ASIC2: variants seen among roughly 807,000 people sequenced by gnomAD.
The protein encoded by ASIC2 is acid-sensing ion channel 2.
Under a neutral mutation model 57.3 loss-of-function variants are expected in ASIC2, and 25 were observed. The ratio of observed to expected loss-of-function variants is 0.44; its 90% CI spans 0.32 to 0.61. The LOEUF is 0.61. ASIC2 is among the 20% of genes least tolerant of loss of function. The probability of loss-of-function intolerance (pLI) is 0.06; values close to 1 mark genes in which losing one functional copy is unlikely to be tolerated. For synonymous variants in ASIC2, 319 were observed against 307.5 expected (o/e 1.04, Z -0.39); for missense variants, 641 against 738.1 (o/e 0.87, Z 1.52).
chr17:33,505,284 C>G (rs1389251055), intron 1 of ASIC2, among the ~76,000 whole-genome samples: 2 of 152,070 alleles, frequency 1.3e-5, no homozygotes, highest in Admixed American at 1.3e-4. Context: ...GTCCAGTGCT[C>G]TGGAAGAGAA....
At chr17:33,961,524 G>A (rs890251454) in intron 1 of ASIC2, among the ~76,000 whole-genome samples, 1 of 152,192 alleles carries the variant, frequency 6.6e-6, no homozygotes, top group Non-Finnish European at 1.5e-5. Flanking sequence ...ATAGTAATGG[G>A]TGCTCCTCAA....
In ASIC2 at chr17:33,158,916, T is replaced by C. The variant is rs183786298; in HGVS notation, c.709-46849A>G. On this transcript the variant is annotated intron_variant, in intron 1 of 9. Transcript: ENST00000225823. ...CTCACAAATGGAATTCATGTGTTGCTGGAGTTTACTGAAGACTTTAATTTG... is the reference window on the plus strand; with the variant it reads ...CTCACAAATGGAATTCATGTGTTGCCGGAGTTTACTGAAGACTTTAATTTG... Among the ~76,000 whole-genome samples, 143 of 152,344 alleles carry C rather than the reference T, an allele frequency of 9.4e-4. 1 individual carries two copies. Among genetic ancestry groups the C allele is most frequent in the Admixed American group, 9.8e-4 (15 of 15,310 alleles).
chr17:34,048,110 C>G (rs1908408390), intron 1 of ASIC2, among the ~76,000 whole-genome samples: 1 of 152,152 alleles, frequency 6.6e-6, no homozygotes, highest in African/African-American at 2.4e-5. Flanking sequence ...TTGGGAGTGT[C>G]CACACTTTGA....
intron 1 of ASIC2, among the ~76,000 whole-genome samples, chr17:34,052,027 G>C (rs1192156763): frequency 6.6e-6 from 1 of 152,232 alleles, no homozygotes; most frequent in African/African-American, 2.4e-5. Flanking sequence ...TGGATTAGTA[G>C]GTCAGATACT....
At chr17:33,279,199 C>T (rs1441185737) in intron 1 of ASIC2, among the ~76,000 whole-genome samples, 1 of 152,142 alleles carries the variant, frequency 6.6e-6, no homozygotes, top group Admixed American at 6.5e-5. Context: ...AAGCAGGGCT[C>T]CCTCTCTCTT....
intron 1 of ASIC2, among the ~76,000 whole-genome samples, chr17:33,344,880 T>A (rs1227357182): frequency 2.6e-5 from 4 of 152,038 alleles, no homozygotes; most frequent in Non-Finnish European, 5.9e-5. Flanking sequence ...AATGAATGAA[T>A]ATAAATGGCT....
rs888009159 is a variant in ASIC2, at chr17:33,418,918, C to T, written c.556-306851G>A. ...GTTGAATAATGAGAACACACGGACACGGGGGAGGGGAACATCACACACCGG... is the reference window on the plus strand; with the variant it reads ...GTTGAATAATGAGAACACACGGACATGGGGGAGGGGAACATCACACACCGG... On this transcript the variant is annotated intron_variant, in intron 1 of 9. Transcript: ENST00000359872. 1.4e-4 allele frequency among the ~76,000 whole-genome samples: 13 copies of T among 93,578 alleles called. No homozygotes were observed. The East Asian group carries it at 1.4e-3, about 10-fold the overall frequency. The allele number at this position is 93,578 out of a possible 152,430, so 61.4% of individuals were successfully genotyped here.
intron 1 of ASIC2, among the ~76,000 whole-genome samples, chr17:34,132,007 T>G (rs975142954): frequency 3.9e-5 from 6 of 152,270 alleles, no homozygotes; most frequent in Admixed American, 6.5e-5. Context: ...GTCCTGGAAT[T>G]TGAGACACCA....
chr17:33,343,755 T>C (rs551172372), intron 1 of ASIC2, among the ~76,000 whole-genome samples: 4 of 152,304 alleles, frequency 2.6e-5, no homozygotes, highest in South Asian at 4.1e-4. Context: ...GGCTCAGCCC[T>C]GCCTAATTCT....
At chr17:33,389,313 T>G (rs570322032) in intron 1 of ASIC2, among the ~76,000 whole-genome samples, 2 of 152,262 alleles carry the variant, frequency 1.3e-5, no homozygotes, top group South Asian at 4.2e-4. Flanking sequence ...TCCCTTCTGT[T>G]TACAGCTCAT....
At chr17:33,771,828 A>G (rs1243284289) in intron 1 of ASIC2, among the ~76,000 whole-genome samples, 1 of 152,222 alleles carries the variant, frequency 6.6e-6, no homozygotes, top group Non-Finnish European at 1.5e-5. Flanking sequence ...TGGTAATTAG[A>G]TTTCCATCAC....
chr17:34,065,611 C>A (rs143030727), intron 1 of ASIC2, among the ~76,000 whole-genome samples: 321 of 152,148 alleles, frequency 2.1e-3, no homozygotes, highest in African/African-American at 7.2e-3. Context: ...AAAAAGACCG[C>A]TGAGGGGTTG....
intron 1 of ASIC2, among the ~76,000 whole-genome samples, chr17:33,391,716 G>A (rs1332912232): frequency 6.6e-6 from 1 of 152,196 alleles, no homozygotes; most frequent in Non-Finnish European, 1.5e-5. Context: ...TCACTGACAT[G>A]TCAATGTTAA....
intron 1 of ASIC2, among the ~76,000 whole-genome samples, chr17:34,091,599 G>A (rs978773486): frequency 5.3e-5 from 8 of 152,242 alleles, no homozygotes; most frequent in African/African-American, 1.9e-4. Context: ...GGGAGATGAT[G>A]GATGGTGAGA....
intron 1 of ASIC2, among the ~76,000 whole-genome samples, chr17:33,306,355 G>GT (rs1025813599): frequency 6.6e-6 from 1 of 152,032 alleles, no homozygotes. Context: ...CCCCTAGCCT[G>GT]TTTTTTTCCA....
chr17:33,150,638 C>T (rs958762291), intron 1 of ASIC2, among the ~76,000 whole-genome samples: 8 of 151,744 alleles, frequency 5.3e-5, no homozygotes, highest in African/African-American at 1.9e-4. Context: ...CACTTGAGGT[C>T]AGGAGTTTGA....
intron 1 of ASIC2, among the ~76,000 whole-genome samples, chr17:33,208,244 C>T (rs1161195954): frequency 6.6e-6 from 1 of 152,204 alleles, no homozygotes; most frequent in Non-Finnish European, 1.5e-5. Context: ...AGGAAAAATA[C>T]TACAAATCTG....
At chr17:33,429,607 G>A (rs1271553223) in intron 1 of ASIC2, among the ~76,000 whole-genome samples, 1 of 152,020 alleles carries the variant, frequency 6.6e-6, no homozygotes, top group Non-Finnish European at 1.5e-5. Flanking sequence ...AGCCAGGATG[G>A]TCTCGATCTC....
chr17:33,715,154 T>G lies in ASIC2; in HGVS notation c.555+440824A>C, dbSNP rs561194425. Among the ~76,000 whole-genome samples the G allele has an allele frequency of 2.0e-5, 3 of 152,082 alleles. No individual in the cohort carries two copies. The East Asian group carries it at 5.8e-4, about 29-fold the overall frequency. ...AACCAGGACTATAGGAAGATGCTGC[T>G]GCACTTGACTAATTTTAAATTTTTT... On this transcript the variant is annotated intron_variant, in intron 1 of 9. Coordinates refer to the ASIC2 transcript ENST00000359872.
Sources: gnomAD v4.1 joint callset for allele counts (sites outside exome capture counted in the v4.1 genomes callset) on GRCh38, gnomAD v4.1.1 for gene constraint, MANE v1.5 for transcripts, NCBI Gene and HGNC (gene_info 2026-07-23, HGNC 2026-07-21) for gene names.